FGGY: variants seen among roughly 807,000 people sequenced by gnomAD.
FGGY encodes FGGY carbohydrate kinase domain containing.
In FGGY, 72 loss-of-function variants were observed where a neutral mutation model predicts 71.3. That is an observed-to-expected ratio of 1.01 (90% CI 0.84 to 1.23). FGGY has a LOEUF of 1.23. FGGY is among the 50% of genes most tolerant of loss of function. The probability of loss-of-function intolerance (pLI) is 0.00; values close to 1 mark genes in which losing one functional copy is unlikely to be tolerated. For missense variants in FGGY, 668 were observed against 682.3 expected (o/e 0.98, Z 0.23); for synonymous variants, 251 against 250.3 (o/e 1.00, Z -0.02).
At chr1:59,511,215 G>C (rs551870237) in intron 6 of FGGY, among the ~76,000 whole-genome samples, 1 of 152,208 alleles carries the variant, frequency 6.6e-6, no homozygotes, top group Non-Finnish European at 1.5e-5. Flanking sequence ...TGGTTAAGCT[G>C]TTCACTCTCT....
At chr1:59,466,760 C>T (rs1467437165) in intron 6 of FGGY, among the ~76,000 whole-genome samples, 1 of 152,216 alleles carries the variant, frequency 6.6e-6, no homozygotes, top group Non-Finnish European at 1.5e-5. Context: ...AAAACATGCT[C>T]ATCATCACTG....
rs1042771223 is a variant in FGGY, at chr1:59,656,415, C to G, written c.1222-3804C>G. On this transcript the variant is annotated intron_variant, in intron 11 of 15. Transcript: ENST00000303721. ...TCACCACCTCCCTTCGAAGACAGCT[C>G]CCCGAGGGTCCTTTGTAGCCTCTCA... 2.0e-5 allele frequency among the ~76,000 whole-genome samples: 3 copies of G among 152,310 alleles called. No homozygotes were observed. In the South Asian group the frequency reaches 6.2e-4, roughly 32 times the overall value.
At chr1:59,691,463 C>T (rs573705422) in intron 14 of FGGY, among the ~76,000 whole-genome samples, 3 of 152,100 alleles carry the variant, frequency 2.0e-5, no homozygotes, top group South Asian at 2.1e-4. Context: ...AAACAGACTG[C>T]GTGTCATGGC....
At chr1:59,633,103 C>T (rs192126780) in intron 10 of FGGY, among the ~76,000 whole-genome samples, 2,425 of 151,716 alleles carry the variant, frequency 0.016, 26 homozygotes, top group Non-Finnish European at 0.025. Context: ...CTCTGCCTCC[C>T]GGGTTCACAC....
chr1:59,325,714 C>CA (rs1448292263), intron 2 of FGGY, among the ~76,000 whole-genome samples: 3 of 152,150 alleles, frequency 2.0e-5, no homozygotes, highest in East Asian at 3.8e-4. Context: ...AACAAAGAGA[C>CA]AAAATCCAAT....
chr1:59,511,915 G>T (rs1570461209), intron 6 of FGGY, among the ~76,000 whole-genome samples: 1 of 152,236 alleles, frequency 6.6e-6, no homozygotes, highest in Admixed American at 6.5e-5. Context: ...GTGTATGGAT[G>T]TGTGAACATG....
rs753148274 is a variant in FGGY at position 59,321,731 on chromosome 1, C to T, written c.182C>T (p.Ala61Val). The part of the protein sequence containing the change: ...HEQSSEDIWA[A>V]CCVVTKKVVQ... ...CAGTCCTCCGAGGACATCTGGGCTG[C>T]GTGCTGTGTTGTCACAAAGGTATGG... Residue 61 changes from alanine to valine, a missense_variant, in exon 2 of 16, where the codon GCG (alanine) becomes GTG (valine). Around this residue, in one of 2 missense-constraint regions of FGGY, gnomAD observed 661 missense variants for 661.6 expected, o/e 1.00. Transcript: ENST00000303721. The T allele has an allele frequency of 1.4e-5, 22 of 1,611,306 alleles. No homozygotes were observed. In the East Asian group the frequency reaches 3.1e-4, roughly 23 times the overall value.
At chr1:59,745,579 C>T (rs957905575) in intron 14 of FGGY, among the ~76,000 whole-genome samples, 2 of 152,178 alleles carry the variant, frequency 1.3e-5, no homozygotes, top group Admixed American at 6.5e-5. Context: ...ATTTCACTTT[C>T]TTGAGTTGCA....
intron 8 of FGGY, among the ~76,000 whole-genome samples, chr1:59,604,765 T>A (rs1313385544): frequency 1.3e-5 from 2 of 152,186 alleles, no homozygotes; most frequent in Non-Finnish European, 2.9e-5. Flanking sequence ...TGGGGACTAA[T>A]CTGTCAAATG....
At chr1:59,527,808 C>T (rs943609301) in intron 7 of FGGY, among the ~76,000 whole-genome samples, 2 of 152,168 alleles carry the variant, frequency 1.3e-5, no homozygotes, top group African/African-American at 4.8e-5. Context: ...TACTTCCAAT[C>T]ATCCATCGTT....
At chr1:59,513,544 T>G (rs1019017157) in intron 7 of FGGY, among the ~76,000 whole-genome samples, 1 of 152,256 alleles carries the variant, frequency 6.6e-6, no homozygotes. Flanking sequence ...AACACTCAGG[T>G]GTATTTAGAA....
chr1:59,318,305 A>T (rs2153114622), intron 1 of FGGY, among the ~76,000 whole-genome samples: 1 of 152,328 alleles, frequency 6.6e-6, no homozygotes, highest in South Asian at 2.1e-4. Context: ...TTCCCCAGTG[A>T]TGAATTTTAA....
At chr1:59,694,406 T>G (rs2097635478) in intron 14 of FGGY, among the ~76,000 whole-genome samples, 1 of 152,136 alleles carries the variant, frequency 6.6e-6, no homozygotes, top group South Asian at 2.1e-4. Flanking sequence ...GGTCAGTTCG[T>G]GGACTGGTTC....
chr1:59,625,603 G>A (rs1458189237), intron 9 of FGGY, among the ~76,000 whole-genome samples: 4 of 152,088 alleles, frequency 2.6e-5, no homozygotes, highest in African/African-American at 9.7e-5. Flanking sequence ...TGACAGCCTA[G>A]ATCAAGAAGG....
intron 5 of FGGY, among the ~76,000 whole-genome samples, chr1:59,408,259 T>G (rs1269041440): frequency 1.3e-5 from 2 of 152,180 alleles, no homozygotes; most frequent in Non-Finnish European, 2.9e-5. Context: ...GTAAGTTCTC[T>G]CTTTCTCCTA....
At chr1:59,713,710 T>C (rs1256474274) in intron 14 of FGGY, among the ~76,000 whole-genome samples, 1 of 145,436 alleles carries the variant, frequency 6.9e-6, no homozygotes, top group Non-Finnish European at 1.5e-5. Flanking sequence ...TCCAAAAAGT[T>C]TGAATATTTT....
intron 4 of FGGY, 29 bp from the exon 5 acceptor site, chr1:59,378,720 T>G (rs201220517): frequency 2.4e-5 from 39 of 1,593,754 alleles, no homozygotes; most frequent in Non-Finnish European, 3.0e-5. Context: ...AACCCCCTAA[T>G]TGATTCTAAT....
intron 5 of FGGY, chr1:59,393,330 G>C (rs17540663): frequency 0.11 from 16,631 of 152,294 alleles, 1,174 homozygotes; most frequent in Non-Finnish European, 0.16. Context: ...CTCTGCAGTG[G>C]ATGTGTTCCT....
At chr1:59,619,434 A>G (rs1050675819) in intron 9 of FGGY, among the ~76,000 whole-genome samples, 1 of 152,138 alleles carries the variant, frequency 6.6e-6, no homozygotes, top group African/African-American at 2.4e-5. Context: ...AGTTTTAAAT[A>G]GGGTGGTCAG....
Sources: allele counts gnomAD v4.1 joint callset (sites outside exome capture counted in the v4.1 genomes callset), GRCh38; gene constraint gnomAD v4.1.1; regional missense constraint gnomAD v4.1.1; transcripts MANE v1.5; gene names NCBI Gene and HGNC (gene_info 2026-07-23, HGNC 2026-07-21).